The following ANK2 variants were observed in gnomAD, a reference collection of about 807,000 sequenced individuals.
ANK2 encodes ankyrin-2.
Under a neutral mutation model 360.5 loss-of-function variants are expected in ANK2, and 83 were observed. That is an observed-to-expected ratio of 0.23 (90% CI 0.19 to 0.28). The LOEUF is 0.28. Among genes scored for constraint, ANK2 ranks in the 10% least tolerant of loss-of-function variants. ANK2 has a pLI of 1.00. For missense variants in ANK2, 4,201 were observed against 4,795.7 expected (o/e 0.88, Z 3.66); for synonymous variants, 1,740 against 1,759.5 (o/e 0.99, Z 0.28).
chr4:112,745,372 C>T, the ANK2 span, among the ~76,000 whole-genome samples: 4 of 152,180 alleles, frequency 2.6e-5, no homozygotes, highest in Non-Finnish European at 4.4e-5. Context: ...GCATGCAATG[C>T]GTAATAATCA....
chr4:113,199,810 G>A (rs1454954582), intron 4 of ANK2, among the ~76,000 whole-genome samples: 1 of 152,036 alleles, frequency 6.6e-6, no homozygotes, highest in African/African-American at 2.4e-5. Context: ...TTGCCTTTCT[G>A]ATAACACAGA....
At chr4:113,105,033 G>C (rs1435081217) in intron 1 of ANK2, among the ~76,000 whole-genome samples, 1 of 152,044 alleles carries the variant, frequency 6.6e-6, no homozygotes, top group Non-Finnish European at 1.5e-5. Context: ...ATCAGATTGA[G>C]AGGCTAATGT....
intron 2 of ANK2, among the ~76,000 whole-genome samples, chr4:112,952,572 G>A (rs917768517): frequency 3.9e-5 from 6 of 152,108 alleles, no homozygotes; most frequent in East Asian, 1.9e-4. Context: ...GTTATCTGTC[G>A]TTGGTACATG....
rs1310434461 is a variant in ANK2 at position 112,994,077 on chromosome 4, G to GT, written c.21+89564dup. On this transcript the variant is annotated intron_variant, in intron 2 of 30. Coordinates refer to the ANK2 transcript ENST00000503271. Reference sequence around the variant, plus strand: ...CATTTGACAGTCTGGAACATCTCACGTATTGCTAGCAAGCAGGTTTGGATG... The same window carrying GT: ...CATTTGACAGTCTGGAACATCTCACGTTATTGCTAGCAAGCAGGTTTGGATG... Among the ~76,000 whole-genome samples the GT allele has an allele frequency of 3.3e-5, 5 of 152,292 alleles. No individual in the cohort carries two copies. The East Asian group carries it at 9.6e-4, about 29-fold the overall frequency.
chr4:113,278,859 A>C (rs931677076), intron 17 of ANK2, among the ~76,000 whole-genome samples: 1 of 152,214 alleles, frequency 6.6e-6, no homozygotes, highest in African/African-American at 2.4e-5. Flanking sequence ...GAGAACTGAG[A>C]AATAAAGTCA....
chr4:112,898,591 C>G (rs1301315702), intron 1 of ANK2, among the ~76,000 whole-genome samples: 4 of 152,164 alleles, frequency 2.6e-5, no homozygotes, highest in African/African-American at 9.7e-5. Flanking sequence ...TATATGATTT[C>G]TCCACTGAAG....
intron 2 of ANK2, among the ~76,000 whole-genome samples, chr4:112,974,549 G>A (rs1298421621): frequency 6.6e-6 from 1 of 152,218 alleles, no homozygotes; most frequent in Non-Finnish European, 1.5e-5. Flanking sequence ...TTGGACCAGA[G>A]CTGCTGCTTC....
chr4:113,130,308 A>G (rs2154377425), intron 1 of ANK2, among the ~76,000 whole-genome samples: 1 of 151,962 alleles, frequency 6.6e-6, no homozygotes, highest in East Asian at 1.9e-4. Context: ...GCATGGCCAA[A>G]CTCAGTAAAA....
chr4:113,049,864 T>C, intron 1 of ANK2, 52 bp downstream of exon 1: 2 of 1,590,144 alleles, frequency 1.3e-6, no homozygotes, highest in Non-Finnish European at 1.7e-6. Context: ...TGTGTGTGCA[T>C]GTGTGAGTGT....
At chr4:113,112,611 C>A (rs1296370087) in intron 1 of ANK2, among the ~76,000 whole-genome samples, 1 of 152,180 alleles carries the variant, frequency 6.6e-6, no homozygotes, top group East Asian at 1.9e-4. Context: ...ATGACCTACA[C>A]TTTCTGCAGC....
At chr4:113,127,918 TAGGAATAA>T (rs2095765599) in intron 1 of ANK2, among the ~76,000 whole-genome samples, 1 of 151,954 alleles carries the variant, frequency 6.6e-6, no homozygotes, top group Non-Finnish European at 1.5e-5. Flanking sequence ...AGCACTCAAC[TAGGAATAA>T]AGAAAAAAGA....
intron 1 of ANK2, among the ~76,000 whole-genome samples, chr4:112,867,123 A>AT (rs561689942): frequency 4.7e-5 from 7 of 149,806 alleles, no homozygotes; most frequent in Non-Finnish European, 7.4e-5. Flanking sequence ...GAGGTCTTAC[A>AT]TTTTTTTTTC....
Position 113,358,592 on chromosome 4 carries a change from T to C in ANK2, c.9974T>C (p.Val3325Ala), listed in dbSNP as rs769598035. The change falls in exon 38 of 46, where the codon GTT (valine) becomes GCT (alanine). Residue 3325 changes from valine to alanine, a missense_variant. Physicochemically the swap from Val to Ala is moderately conservative, Grantham distance 64. This residue lies in a region of ANK2 where 2,642 missense variants were observed against 2,714.5 expected (regional missense o/e 0.97). Coordinates refer to ENST00000357077, the MANE Select transcript of ANK2 (RefSeq NM_001148.6). ...CCATCTGCAGAGTATGAGAGTTCAGTTTCTGAAGATTTTCTATCCAGTGTA... is the reference window on the plus strand; with the variant it reads ...CCATCTGCAGAGTATGAGAGTTCAGCTTCTGAAGATTTTCTATCCAGTGTA... ...APPSAEYESS[V>A]SEDFLSSVDE... is the part of the protein sequence containing the mutation. 6.2e-7 allele frequency: 1 copy of C among 1,614,048 alleles called. No individual in the cohort carries two copies. Among genetic ancestry groups the C allele is most frequent in the Admixed American group, 1.7e-5 (1 of 60,006 alleles).
rs544673134 is a variant in ANK2, at chr4:113,039,102, A to C, written c.21+134588A>C. 2.0e-5 allele frequency among the ~76,000 whole-genome samples: 3 copies of C among 152,250 alleles called. No homozygotes were observed. The South Asian group carries it at 6.2e-4, about 32-fold the overall frequency. On this transcript the variant is annotated intron_variant, in intron 2 of 30. Coordinates refer to the ANK2 transcript ENST00000503271. ...TAGTTAAAAGTTAGAGAACACTAAA[A>C]GGTAATAAACACTTTCTGTTGATTT...
chr4:113,238,364 C>A (rs1178566212), intron 7 of ANK2, among the ~76,000 whole-genome samples: 1 of 152,070 alleles, frequency 6.6e-6, no homozygotes, highest in Non-Finnish European at 1.5e-5. Context: ...TATGTAGGTC[C>A]ATTATTGTTT....
At chr4:113,214,158 A>AT in intron 4 of ANK2, 1 of 683,140 alleles carries the variant, frequency 1.5e-6, no homozygotes, top group Non-Finnish European at 2.6e-6. Flanking sequence ...TTTGCTGTGA[A>AT]TTGCACAACT....
At chr4:113,282,991 C>T in intron 18 of ANK2, 119 bp downstream of exon 18, 1 of 1,140,290 alleles carries the variant, frequency 8.8e-7, no homozygotes, top group East Asian at 2.5e-5. Flanking sequence ...GGATATCTTA[C>T]AGACCCCAAG....
the ANK2 span, among the ~76,000 whole-genome samples, chr4:112,745,811 G>C: frequency 6.6e-6 from 1 of 152,038 alleles, no homozygotes; most frequent in Non-Finnish European, 1.5e-5. Flanking sequence ...GGGATTACAG[G>C]TGTGAGCCAC....
chr4:112,753,327 A>G, the ANK2 span, among the ~76,000 whole-genome samples: 15 of 152,368 alleles, frequency 9.8e-5, no homozygotes, highest in African/African-American at 3.6e-4. Flanking sequence ...GTCACTTAAC[A>G]ATAGGAATAC....
Sources: gnomAD v4.1 joint callset for allele counts (sites outside exome capture counted in the v4.1 genomes callset) on GRCh38, gnomAD v4.1.1 for gene constraint, gnomAD v4.1.1 regional missense constraint, MANE v1.5 for transcripts, NCBI Gene and HGNC (gene_info 2026-07-23, HGNC 2026-07-21) for gene names.